Variants in FAM20C observed in about 807,000 individuals in gnomAD.
FAM20C encodes FAM20C golgi associated secretory pathway kinase.
A neutral mutation model predicts 51.5 loss-of-function variants in FAM20C; 40 were observed. That is an observed-to-expected ratio of 0.78 (90% CI 0.60 to 1.01). The LOEUF (loss-of-function observed/expected upper bound fraction) is 1.01, where lower values mean the gene tolerates loss of function less well. FAM20C is among the 50% of genes least tolerant of loss of function. The pLI, the probability that FAM20C is intolerant of heterozygous loss-of-function variation, is 0.00. For synonymous variants in FAM20C, 406 were observed against 380.6 expected (o/e 1.07, Z -0.78); for missense variants, 861 against 844.7 (o/e 1.02, Z -0.24).
At chr7:237,353 A>C (rs1349375359) in intron 3 of FAM20C, among the ~76,000 whole-genome samples, 2 of 152,252 alleles carry the variant, frequency 1.3e-5, no homozygotes, top group Admixed American at 6.5e-5. Flanking sequence ...AAAAGCTCAC[A>C]TTTTAGCATC....
intron 2 of FAM20C, chr7:197,281 A>G: frequency 6.0e-6 from 1 of 167,068 alleles, no homozygotes; most frequent in Non-Finnish European, 1.5e-5. Context: ...CTGAGGAGGA[A>G]CGAGCACTTC....
chr7:248,291 C>A lies in FAM20C; in HGVS notation c.957-24C>A, dbSNP rs772843483. 4 of 1,513,502 alleles carry A rather than the reference C, an allele frequency of 2.6e-6. No homozygotes were observed. The African/African-American group carries it at 4.1e-5, about 16-fold the overall frequency. The allele number at this position is 1,513,502 out of a possible 1,614,324, so 93.8% of individuals were successfully genotyped here. On this transcript the variant is annotated intron_variant, in intron 4 of 9. Coordinates refer to ENST00000313766, the MANE Select transcript of FAM20C (RefSeq NM_020223.4). ...CCGCTGAGCCGCACAGAGCACAGAC[C>A]ATTCCCCGCCCGTTTCTTGCCAGGA...
chr7:257,164 G>T (rs1788620378), intron 8 of FAM20C, 78 bp downstream of exon 8: 2 of 1,341,502 alleles, frequency 1.5e-6, no homozygotes, highest in South Asian at 2.5e-5. Context: ...CTGAGACCCT[G>T]GGGACGGGGG....
At chr7:217,002 T>G (rs759835555) in intron 3 of FAM20C, among the ~76,000 whole-genome samples, 4 of 152,102 alleles carry the variant, frequency 2.6e-5, no homozygotes, top group Non-Finnish European at 5.9e-5. Context: ...AGCATCGTAC[T>G]GGCGTGAAGA....
chr7:243,793 T>C (rs1161058283), intron 3 of FAM20C, among the ~76,000 whole-genome samples: 1 of 152,096 alleles, frequency 6.6e-6, no homozygotes, highest in African/African-American at 2.4e-5. Context: ...GCCTCTGCAG[T>C]GGATGTCCCA....
chr7:213,484 C>G (rs927049241), intron 3 of FAM20C, among the ~76,000 whole-genome samples: 11 of 152,230 alleles, frequency 7.2e-5, no homozygotes, highest in Admixed American at 3.9e-4. Flanking sequence ...TTCCAACGCT[C>G]ATCGGTGCTG....
At chr7:218,265 G>C (rs897052952) in intron 3 of FAM20C, among the ~76,000 whole-genome samples, 6 of 152,232 alleles carry the variant, frequency 3.9e-5, no homozygotes, top group Admixed American at 6.5e-5. Flanking sequence ...GGCCTTTCCG[G>C]CAGCTCCTCG....
intron 3 of FAM20C, among the ~76,000 whole-genome samples, chr7:220,569 T>C (rs1285920887): frequency 6.6e-6 from 1 of 152,208 alleles, no homozygotes; most frequent in African/African-American, 2.4e-5. Context: ...GAGTTAAGCA[T>C]GACCTCTGTG....
intron 1 of FAM20C, 25 bp downstream of exon 1, chr7:193,829 A>AC (rs1210798198): frequency 6.5e-7 from 1 of 1,548,130 alleles, no homozygotes; most frequent in Non-Finnish European, 8.7e-7. Flanking sequence ...GCAGGTGCCC[A>AC]CCCCCAAGGG....
Position 195,678 on chromosome 7 carries a change from C to T in FAM20C, c.730C>T (p.Pro244Ser), listed in dbSNP as rs1404282377. 1 of 1,611,360 alleles carries T rather than the reference C, an allele frequency of 6.2e-7. No individual in the cohort carries two copies. The highest frequency in any genetic ancestry group is 1.7e-5 in the Admixed American group (1 of 59,880). ...GTACGAGCTGTACTCCAGACACAACCCGGCCATCGAGGCCCTGCTGCACGA... is the reference window on the plus strand; with the variant it reads ...GTACGAGCTGTACTCCAGACACAACTCGGCCATCGAGGCCCTGCTGCACGA... ...NRYELYSRHN[P>S]AIEALLHDLS... Residue 244 changes from proline to serine, a missense_variant, in exon 2 of 10, where the codon CCG becomes TCG. By Grantham distance (74) the Pro-to-Ser change is moderately conservative. This residue lies in a region of FAM20C where 561 missense variants were observed against 499.8 expected (regional missense o/e 1.12). Transcript: ENST00000313766.
chr7:231,096 G>A (rs927344076), intron 3 of FAM20C, among the ~76,000 whole-genome samples: 2 of 152,112 alleles, frequency 1.3e-5, no homozygotes, highest in Non-Finnish European at 2.9e-5. Flanking sequence ...CCAGGGCAGC[G>A]AGTACAGAGG....
chr7:235,406 G>A (rs1447591653), intron 3 of FAM20C, among the ~76,000 whole-genome samples: 6 of 152,132 alleles, frequency 3.9e-5, no homozygotes, highest in African/African-American at 9.7e-5. Context: ...CCAGACCTAC[G>A]TCCACGTGAG....
chr7:228,951 A>G (rs79002546), intron 3 of FAM20C: 11,271 of 394,966 alleles, frequency 0.029, 511 homozygotes, highest in African/African-American at 0.12. Flanking sequence ...CATCTTGTTC[A>G]TGGATGGGGA....
At chr7:253,988 G>A (rs538206937) in intron 5 of FAM20C, among the ~76,000 whole-genome samples, 13 of 152,334 alleles carry the variant, frequency 8.5e-5, no homozygotes, top group South Asian at 4.1e-4. Flanking sequence ...GTATCAGCAC[G>A]AGACAGGATT....
chr7:255,176 G>A (rs1036166802), intron 5 of FAM20C, among the ~76,000 whole-genome samples: 7 of 152,200 alleles, frequency 4.6e-5, no homozygotes, highest in African/African-American at 7.2e-5. Context: ...GACCGTTTCC[G>A]CCGTGGCTGT....
chr7:251,003 C>T (rs2115158248), intron 5 of FAM20C, among the ~76,000 whole-genome samples: 1 of 152,354 alleles, frequency 6.6e-6, no homozygotes, highest in Non-Finnish European at 1.5e-5. Context: ...CAGGGTCACG[C>T]AGGGAGGGGT....
chr7:193,712 G>T lies in FAM20C; in HGVS notation c.513G>T (p.Arg171=). The T allele has an allele frequency of 6.5e-7, 1 of 1,546,606 alleles. No homozygotes were observed. Among genetic ancestry groups the T allele is most frequent in the Non-Finnish European group, 8.7e-7 (1 of 1,145,200 alleles). Reference sequence around the variant, plus strand: ...GGCTGTTCGAGCACCCGCTTTACCGGGTGGCGGTTCCGCCGCTCACGGAGG... The same window carrying T: ...GGCTGTTCGAGCACCCGCTTTACCGTGTGGCGGTTCCGCCGCTCACGGAGG... ...LARLFEHPLY[R]VAVPPLTEED... Residue 171 remains arginine (R), a synonymous_variant, in exon 1 of 10, where the codon CGG becomes CGT. Transcript: ENST00000313766.
In FAM20C at chr7:193,799, G is replaced by C. The variant is rs201631664; in HGVS notation, c.600G>C (p.Pro200=). 5.8e-6 allele frequency: 9 copies of C among 1,555,676 alleles called. No individual in the cohort carries two copies. Among genetic ancestry groups the C allele is most frequent in the Non-Finnish European group, 7.8e-6 (9 of 1,150,100 alleles). ...TRLSPKAAEN[P]DWPHAGAEGA... ...TCAGCCCCAAAGCGGCGGAGAACCCGGACTGGTGAGTGGGGGCTGGCAGGT... is the reference window on the plus strand; with the variant it reads ...TCAGCCCCAAAGCGGCGGAGAACCCCGACTGGTGAGTGGGGGCTGGCAGGT... Residue 200 remains proline (P), a synonymous_variant, in exon 1 of 10, where the codon CCG becomes CCC. Coordinates refer to ENST00000313766, the MANE Select transcript of FAM20C (RefSeq NM_020223.4).
intron 3 of FAM20C, among the ~76,000 whole-genome samples, chr7:222,242 T>G (rs1014927749): frequency 2.0e-5 from 3 of 151,890 alleles, no homozygotes; most frequent in African/African-American, 7.3e-5. Context: ...TCTCAGTGGG[T>G]GTTATGGGTC....
Sources: gnomAD v4.1 joint callset for allele counts (sites outside exome capture counted in the v4.1 genomes callset) on GRCh38, gnomAD v4.1.1 for gene constraint, gnomAD v4.1.1 regional missense constraint, MANE v1.5 for transcripts, NCBI Gene and HGNC (gene_info 2026-07-23, HGNC 2026-07-21) for gene names.